Variants in NCOR1 observed in about 807,000 individuals in gnomAD.
NCOR1 encodes the protein nuclear receptor corepressor 1, also known as protein phosphatase 1, regulatory subunit 109.
In NCOR1, 63 loss-of-function variants were observed where a neutral mutation model predicts 288.1. The observed-to-expected ratio is 0.22, with a 90% CI of 0.18 to 0.27. The LOEUF (loss-of-function observed/expected upper bound fraction) is 0.27. Ranked by LOEUF, NCOR1 falls within the 10% of genes least tolerant of loss-of-function variation. NCOR1 has a pLI of 1.00. For missense variants in NCOR1, 2,397 were observed against 3,019.2 expected, an observed-to-expected ratio of 0.79 and a Z score of 4.83; for synonymous variants, 1,007 against 1,065.9, an observed-to-expected ratio of 0.94 and a Z score of 1.08.
chr17:16,105,868 G>A (rs2068520078), intron 19 of NCOR1, among the ~76,000 whole-genome samples: 1 of 152,204 alleles, frequency 6.6e-6, no homozygotes, highest in Non-Finnish European at 1.5e-5. Flanking sequence ...GGAAGGCCAA[G>A]GCAGGCGGAA....
rs192193567 is a variant in NCOR1 at position 16,131,614 on chromosome 17, T to C, written c.1510-5408A>G. ...AATTTACACGAGGAAGAAAATGAAA[T>C]ACCGTTTCACTACTGGACAATATTT... is the stretch of plus-strand genomic sequence containing the variant. On this transcript the variant is annotated intron_variant, in intron 14 of 45. Coordinates refer to ENST00000268712, the MANE Select transcript of NCOR1 (RefSeq NM_006311.4). Among the ~76,000 whole-genome samples, 35 of 152,284 alleles carry C rather than the reference T, an allele frequency of 2.3e-4. 1 individual carries two copies. In the East Asian group the frequency reaches 6.6e-3, roughly 29 times the overall value.
chr17:16,177,431 C>G (rs897907279), intron 3 of NCOR1, among the ~76,000 whole-genome samples: 2 of 152,066 alleles, frequency 1.3e-5, no homozygotes, highest in Admixed American at 6.5e-5. Flanking sequence ...CTCATTTGTG[C>G]CATTCCCCAC....
chr17:16,074,100 G>T (rs1411851234), intron 27 of NCOR1, among the ~76,000 whole-genome samples: 2 of 152,186 alleles, frequency 1.3e-5, no homozygotes, highest in African/African-American at 2.4e-5. Context: ...CGTGGTAACC[G>T]GCTAATGTGT....
chr17:16,195,834 C>A (rs1226483682), intron 1 of NCOR1, among the ~76,000 whole-genome samples: 5 of 152,126 alleles, frequency 3.3e-5, no homozygotes, highest in African/African-American at 1.2e-4. Flanking sequence ...GTATTCCCAT[C>A]CTAAAACATG....
rs189417565 is a variant in NCOR1 at position 16,121,227 on chromosome 17, T to C, written c.1677A>G (p.Glu559=). 24 of 1,614,098 alleles carry C rather than the reference T, an allele frequency of 1.5e-5. No individual in the cohort carries two copies. Among genetic ancestry groups the C allele is most frequent in the Admixed American group, 8.3e-5 (5 of 60,024 alleles). The change falls in exon 16 of 46, where the codon GAA becomes GAG. Residue 559 remains glutamate (E), a synonymous_variant. Coordinates refer to ENST00000268712, the MANE Select transcript of NCOR1 (RefSeq NM_006311.4). ...KEKDKIDGTA[E]ETEEREQATP... The stretch of plus-strand genomic sequence containing the variant: ...TGGCTTGCTCTCTTTCCTCAGTTTC[T>C]TCTGCTGTACCATCTATCTTGTCCT...
intron 1 of NCOR1, chr17:16,198,424 A>G (rs1224858483): frequency 3.4e-5 from 5 of 147,570 alleles, no homozygotes; most frequent in Non-Finnish European, 7.5e-5. Flanking sequence ...TTCTATTGCT[A>G]AACAGTATTT....
chr17:16,049,087 A>G (rs747882292), intron 40 of NCOR1, 99 bp from the exon 41 acceptor site: 3 of 1,287,454 alleles, frequency 2.3e-6, no homozygotes, highest in Non-Finnish European at 3.1e-6. Flanking sequence ...CAGGAGAAGG[A>G]GCAAAAGCTG....
At chr17:16,045,248 G>A (rs1378115726) in intron 42 of NCOR1, among the ~76,000 whole-genome samples, 2 of 152,156 alleles carry the variant, frequency 1.3e-5, no homozygotes, top group African/African-American at 2.4e-5. Flanking sequence ...AAGCCAGTTG[G>A]TCCATCATTA....
intron 11 of NCOR1, among the ~76,000 whole-genome samples, chr17:16,139,797 A>G (rs1019791864): frequency 2.0e-5 from 3 of 152,202 alleles, no homozygotes; most frequent in African/African-American, 7.2e-5. Context: ...TATTTTTCCC[A>G]AAGTTTAACT....
intron 31 of NCOR1, chr17:16,068,322 T>A: frequency 3.6e-6 from 2 of 559,322 alleles, no homozygotes; most frequent in Non-Finnish European, 6.3e-6. Flanking sequence ...GAAACTGAGA[T>A]TTGGAGAGTA....
intron 1 of NCOR1, among the ~76,000 whole-genome samples, 160 bp downstream of exon 1, chr17:16,215,202 G>A (rs2092450367): frequency 6.6e-6 from 1 of 152,196 alleles, no homozygotes; most frequent in South Asian, 2.1e-4. Context: ...CCGAGTGGAA[G>A]AGGCCAGGCG....
intron 6 of NCOR1, among the ~76,000 whole-genome samples, chr17:16,157,327 G>A (rs1036566642): frequency 7.2e-5 from 11 of 151,964 alleles, no homozygotes; most frequent in Non-Finnish European, 1.3e-4. Context: ...ACCCAGCCAA[G>A]AAAATAATAT....
intron 4 of NCOR1, among the ~76,000 whole-genome samples, chr17:16,168,028 G>A (rs559623974): frequency 2.0e-5 from 3 of 151,746 alleles, no homozygotes; most frequent in East Asian, 3.9e-4. Context: ...CAACATATAC[G>A]AAAAAACAAT....
chr17:16,034,993 A>T (rs1038835209), intron 44 of NCOR1, 49 bp from the exon 45 acceptor site: 2 of 1,551,314 alleles, frequency 1.3e-6, no homozygotes, highest in African/African-American at 2.8e-5. Flanking sequence ...GTTCTCAAAA[A>T]TTACCAAAAT....
chr17:16,091,854 T>A lies in NCOR1; in HGVS notation c.3016+9A>T. On this transcript the variant is annotated intron_variant, in intron 22 of 45. Transcript: ENST00000268712. ...AAAAGTTCTCTTGGTGATAGCTCTA[T>A]CTACCTACCTTCCCACTCTCTGTTT... The A allele has an allele frequency of 6.2e-7, 1 of 1,614,022 alleles. No individual in the cohort carries two copies. The highest frequency in any genetic ancestry group is 8.5e-7 in the Non-Finnish European group (1 of 1,180,032).
intron 19 of NCOR1, among the ~76,000 whole-genome samples, chr17:16,103,879 G>A (rs1412949136): frequency 6.6e-6 from 1 of 152,166 alleles, no homozygotes; most frequent in Non-Finnish European, 1.5e-5. Context: ...GCCACATGTG[G>A]CATGCCTGTG....
At chr17:16,065,455 C>A (rs2061016164) in intron 33 of NCOR1, 30 bp downstream of exon 33, 1 of 1,608,082 alleles carries the variant, frequency 6.2e-7, no homozygotes, top group Non-Finnish European at 8.5e-7. Flanking sequence ...ATAATAAATT[C>A]TACGAAATCT....
At chr17:16,069,676 T>C (rs1286453252) in intron 31 of NCOR1, among the ~76,000 whole-genome samples, 1 of 152,220 alleles carries the variant, frequency 6.6e-6, no homozygotes, top group Non-Finnish European at 1.5e-5. Flanking sequence ...CCTTATTTGA[T>C]CTTCATAACA....
chr17:16,077,516 A>AGGAG (rs1197588617), intron 26 of NCOR1, among the ~76,000 whole-genome samples: 2 of 17,070 alleles, frequency 1.2e-4, no homozygotes, highest in African/African-American at 5.7e-4. Context: ...AGGAGAGGGG[A>AGGAG]GGGGGGGAGG....
Sources: gnomAD v4.1 joint callset for allele counts (sites outside exome capture counted in the v4.1 genomes callset) on GRCh38, gnomAD v4.1.1 for gene constraint, MANE v1.5 for transcripts, NCBI Gene and HGNC (gene_info 2026-07-23, HGNC 2026-07-21) for gene names.